Variants in SBF2 observed in about 807,000 individuals in gnomAD.
SBF2 encodes the protein SET binding factor 2, also known as myotubularin-related protein 13.
Under a neutral mutation model 225.2 loss-of-function variants are expected in SBF2, and 112 were observed. The ratio of observed to expected loss-of-function variants is 0.50; its 90% CI spans 0.43 to 0.58. SBF2 has a LOEUF of 0.58. SBF2 is among the 20% of genes least tolerant of loss of function. SBF2 has a pLI of 0.00. For missense variants in SBF2, 1,996 were observed against 2,206.2 expected, an observed-to-expected ratio of 0.90 and a Z score of 1.91; for synonymous variants, 763 against 773.3, an observed-to-expected ratio of 0.99 and a Z score of 0.22.
At chr11:9,876,009 A>G (rs1203529943) in intron 17 of SBF2, among the ~76,000 whole-genome samples, 1 of 152,166 alleles carries the variant, frequency 6.6e-6, no homozygotes, top group African/African-American at 2.4e-5. Context: ...ACGGAAGAAA[A>G]GAAACATAAC....
At chr11:10,186,516 A>G (rs1204272381) in intron 2 of SBF2, among the ~76,000 whole-genome samples, 1 of 152,210 alleles carries the variant, frequency 6.6e-6, no homozygotes, top group East Asian at 1.9e-4. Flanking sequence ...TGGATGACAG[A>G]GTATGTAAGA....
intron 2 of SBF2, among the ~76,000 whole-genome samples, chr11:10,103,366 T>C (rs1221845526): frequency 6.6e-6 from 1 of 152,210 alleles, no homozygotes; most frequent in African/African-American, 2.4e-5. Flanking sequence ...AGAAACACTA[T>C]CAAATATGAA....
At chr11:10,192,892 C>G (rs1489628075) in intron 2 of SBF2, among the ~76,000 whole-genome samples, 1 of 152,192 alleles carries the variant, frequency 6.6e-6, no homozygotes, top group Non-Finnish European at 1.5e-5. Flanking sequence ...CCCAGTAAAT[C>G]TGGAGAACCA....
intron 1 of SBF2, among the ~76,000 whole-genome samples, chr11:10,198,225 G>T (rs1257552380): frequency 6.6e-6 from 1 of 152,182 alleles, no homozygotes; most frequent in Non-Finnish European, 1.5e-5. Context: ...AGTAAAACTT[G>T]AAAGTCAAAA....
intron 27 of SBF2, among the ~76,000 whole-genome samples, chr11:9,830,745 C>CAAAAAAAA (rs553674434): frequency 1.8e-5 from 2 of 111,064 alleles, no homozygotes; most frequent in Admixed American, 9.2e-5. Context: ...AGCTCAAAAA[C>CAAAAAAAA]AAAAAAAAAA....
intron 2 of SBF2, among the ~76,000 whole-genome samples, chr11:10,051,216 A>G (rs1950050148): frequency 1.3e-5 from 2 of 152,286 alleles, no homozygotes; most frequent in Middle Eastern, 3.4e-3. Flanking sequence ...GTTTTAATGT[A>G]TAACATTTAA....
At chr11:10,007,163 G>A (rs1244113428) in intron 6 of SBF2, among the ~76,000 whole-genome samples, 1 of 152,168 alleles carries the variant, frequency 6.6e-6, no homozygotes, top group Non-Finnish European at 1.5e-5. Context: ...AGGGCGTACC[G>A]AAGTTAAGGG....
intron 2 of SBF2, among the ~76,000 whole-genome samples, chr11:10,147,238 A>AACTCGTTCT (rs796311698): frequency 3.9e-5 from 6 of 152,260 alleles, no homozygotes; most frequent in African/African-American, 1.4e-4. Context: ...AAAGGAGTAT[A>AACTCGTTCT]ACTCGTTCTA....
chr11:9,794,249 A>C (rs1852947996), intron 33 of SBF2, among the ~76,000 whole-genome samples: 1 of 151,982 alleles, frequency 6.6e-6, no homozygotes, highest in African/African-American at 2.4e-5. Context: ...CAAACCAAAA[A>C]AACCCCAAAA....
chr11:9,790,657 T>G lies in SBF2; in HGVS notation c.4597A>C (p.Lys1533Gln). ...HGTLFDDKGEKHAKKGVCIWE... is the reference protein window; with the variant it reads ...HGTLFDDKGEQHAKKGVCIWE... ...ATACAGACTCCTTTTTTGGCATGCT[T>G]TTCTCCTTTATCATCAAATAAAGTT... The change falls in exon 34 of 40, where the codon AAG becomes CAG. Residue 1533 changes from lysine to glutamine, a missense_variant. Coordinates refer to ENST00000256190, the MANE Select transcript of SBF2 (RefSeq NM_030962.4). 1 of 1,583,008 alleles carries G rather than the reference T, an allele frequency of 6.3e-7. No individual in the cohort carries two copies. The highest frequency in any genetic ancestry group is 8.7e-7 in the Non-Finnish European group (1 of 1,153,088).
At chr11:10,216,360 C>A (rs1330384729) in intron 1 of SBF2, among the ~76,000 whole-genome samples, 1 of 152,144 alleles carries the variant, frequency 6.6e-6, no homozygotes, top group African/African-American at 2.4e-5. Flanking sequence ...CTGATGTTAC[C>A]TAGAATAAGA....
At chr11:10,100,799 T>C (rs771911885) in intron 2 of SBF2, among the ~76,000 whole-genome samples, 1 of 152,036 alleles carries the variant, frequency 6.6e-6, no homozygotes, top group Non-Finnish European at 1.5e-5. Context: ...ATCAGGGGTC[T>C]TGGTTTTCCT....
chr11:10,121,341 A>G (rs1002890969), intron 2 of SBF2, among the ~76,000 whole-genome samples: 4 of 152,120 alleles, frequency 2.6e-5, no homozygotes, highest in African/African-American at 9.7e-5. Flanking sequence ...AATCTCTCCA[A>G]TCTCTCCTTT....
intron 13 of SBF2, among the ~76,000 whole-genome samples, chr11:9,971,642 A>G (rs1867338656): frequency 1.3e-5 from 2 of 152,234 alleles, no homozygotes. Flanking sequence ...TTGCACCACC[A>G]CACTCCAGCC....
At chr11:10,103,527 T>C (rs1052314267) in intron 2 of SBF2, among the ~76,000 whole-genome samples, 3 of 152,222 alleles carry the variant, frequency 2.0e-5, no homozygotes, top group African/African-American at 7.2e-5. Context: ...AAGTAACAAA[T>C]TTCCTTGTCA....
chr11:10,093,396 A>AC (rs1491165750), intron 2 of SBF2, among the ~76,000 whole-genome samples: 214 of 149,612 alleles, frequency 1.4e-3, no homozygotes, highest in Middle Eastern at 6.9e-3. Flanking sequence ...AAAAAAAAAA[A>AC]CAAAAAAAAA....
At chr11:10,292,754 TA>T (rs1268110960) in intron 1 of SBF2, among the ~76,000 whole-genome samples, 1 of 151,652 alleles carries the variant, frequency 6.6e-6, no homozygotes, top group Non-Finnish European at 1.5e-5. Flanking sequence ...AACTAAAGGT[TA>T]AAAAACTGAT....
chr11:9,915,988 T>C (rs540315939), intron 16 of SBF2, among the ~76,000 whole-genome samples: 5 of 152,206 alleles, frequency 3.3e-5, no homozygotes, highest in Admixed American at 3.3e-4. Context: ...CGCTTGAACC[T>C]GGGAGGCGGA....
At chr11:10,298,485 C>A (rs763398291), upstream of SBF2, among the ~76,000 whole-genome samples, 1 of 152,182 alleles carries the variant, frequency 6.6e-6, no homozygotes, top group Non-Finnish European at 1.5e-5. Context: ...TGGGCTATTG[C>A]GGAGTAAGTG....
Sources: gnomAD v4.1 joint callset for allele counts (sites outside exome capture counted in the v4.1 genomes callset) on GRCh38, gnomAD v4.1.1 for gene constraint, MANE v1.5 for transcripts, NCBI Gene and HGNC (gene_info 2026-07-23, HGNC 2026-07-21) for gene names.